The following NRP2 variants were observed in gnomAD, a reference collection of about 807,000 sequenced individuals.
NRP2 encodes the protein neuropilin 2.
NRP2 carries 52 observed loss-of-function variants against 110.4 expected under a neutral mutation model. The observed-to-expected ratio is 0.47, with a 90% CI of 0.38 to 0.59. The LOEUF is 0.59. Among genes scored for constraint, NRP2 ranks in the 20% least tolerant of loss-of-function variants. The pLI is 0.00. For missense variants in NRP2, 1,049 were observed against 1,203.0 expected, an observed-to-expected ratio of 0.87 and a Z score of 1.89; for synonymous variants, 508 against 468.9, an observed-to-expected ratio of 1.08 and a Z score of -1.08.
At chr2:205,765,353 C>A in intron 13 of NRP2, 121 bp from the exon 14 acceptor site, 1 of 797,192 alleles carries the variant, frequency 1.3e-6, no homozygotes, top group Non-Finnish European at 2.2e-6. Context: ...TGCAATAACA[C>A]ACACACACAC....
intron 2 of NRP2, among the ~76,000 whole-genome samples, chr2:205,705,598 CA>C (rs1286345289): frequency 2.0e-5 from 3 of 152,156 alleles, no homozygotes; most frequent in Non-Finnish European, 2.9e-5. Flanking sequence ...AATTAGACAA[CA>C]ATAGCAAACA....
At chr2:205,731,310 C>T (rs1054434214) in intron 7 of NRP2, among the ~76,000 whole-genome samples, 6 of 152,178 alleles carry the variant, frequency 3.9e-5, no homozygotes, top group African/African-American at 7.2e-5. Flanking sequence ...TTAATAACAC[C>T]CTAGATGCAG....
In NRP2 at chr2:205,749,861, A is replaced by G. The variant is rs1340505798; in HGVS notation, c.1903+20A>G. 1 of 1,582,910 alleles carries G rather than the reference A, an allele frequency of 6.3e-7. No homozygotes were observed. The highest frequency in any genetic ancestry group is 1.1e-5 in the South Asian group (1 of 90,424). On this transcript the variant is annotated intron_variant, in intron 11 of 16. Transcript: ENST00000357785. ...AGGATGGTAAGCACAAATTGCCTCC[A>G]GATGGCATGGGTGCGGACTAGTCAG...
intron 12 of NRP2, among the ~76,000 whole-genome samples, chr2:205,758,924 C>T (rs1319047785): frequency 6.6e-6 from 1 of 152,124 alleles, no homozygotes; most frequent in Non-Finnish European, 1.5e-5. Flanking sequence ...AGCCCCCCGC[C>T]CCCACCATAC....
intron 14 of NRP2, chr2:205,765,828 G>A (rs1323249196): frequency 3.4e-6 from 2 of 583,594 alleles, no homozygotes; most frequent in Non-Finnish European, 3.3e-6. Flanking sequence ...AGAGGTTCAG[G>A]GTGCCAAGAC....
At chr2:205,783,692 C>A (rs909739880) in intron 15 of NRP2, among the ~76,000 whole-genome samples, 10 of 152,202 alleles carry the variant, frequency 6.6e-5, no homozygotes, top group Admixed American at 1.3e-4. Flanking sequence ...AAGCTACTAG[C>A]CCCCACAGGG....
At chr2:205,766,690 G>C in intron 14 of NRP2, 93 bp from the exon 15 acceptor site, 1 of 1,196,152 alleles carries the variant, frequency 8.4e-7, no homozygotes, top group South Asian at 1.2e-5. Flanking sequence ...GTGCAGTCAT[G>C]TTTATCATCA....
At chr2:205,710,379 AC>A (rs2056772463) in intron 2 of NRP2, among the ~76,000 whole-genome samples, 1 of 152,240 alleles carries the variant, frequency 6.6e-6, no homozygotes. Flanking sequence ...GGTAATTGTA[AC>A]AGGGCCTGGT....
intron 15 of NRP2, chr2:205,777,236 G>C: frequency 1.3e-6 from 1 of 793,968 alleles, no homozygotes; most frequent in Non-Finnish European, 1.5e-6. Context: ...ATGCAGTGTG[G>C]CTTCTCCCAT....
chr2:205,722,331 G>A, intron 3 of NRP2, 147 bp from the exon 4 acceptor site: 4 of 704,832 alleles, frequency 5.7e-6, no homozygotes, highest in Non-Finnish European at 1.0e-5. Flanking sequence ...TGCATGTGAA[G>A]AGTATGTTGC....
chr2:205,716,350 C>T lies in NRP2; in HGVS notation c.409C>T (p.Leu137=), dbSNP rs776487113. The T allele has an allele frequency of 5.0e-6, 8 of 1,614,098 alleles. No individual in the cohort carries two copies. Among genetic ancestry groups the T allele is most frequent in the Non-Finnish European group, 6.8e-6 (8 of 1,180,032 alleles). Reference sequence around the variant, plus strand: ...CGCCCGGCAGGGGGCAGGCTTCTCTCTGCGCTACGAGATCTTCAAGACAGG... The same window carrying T: ...CGCCCGGCAGGGGGCAGGCTTCTCTTTGCGCTACGAGATCTTCAAGACAGG... ...DYARQGAGFS[L]RYEIFKTGSE... The change falls in exon 3 of 17, where the codon CTG becomes TTG. Residue 137 remains leucine (L), a synonymous_variant. Coordinates refer to ENST00000357785, the MANE Select transcript of NRP2 (RefSeq NM_003872.3).
chr2:205,698,545 G>C (rs1472530879), intron 2 of NRP2, among the ~76,000 whole-genome samples: 4 of 152,156 alleles, frequency 2.6e-5, no homozygotes, highest in Non-Finnish European at 4.4e-5. Flanking sequence ...TTAGACACTT[G>C]GGAGTACTTT....
chr2:205,786,832 T>G (rs1277989548), intron 15 of NRP2, among the ~76,000 whole-genome samples: 4 of 152,208 alleles, frequency 2.6e-5, no homozygotes, highest in Non-Finnish European at 4.4e-5. Context: ...GGGCAAGTAT[T>G]GAACACATAG....
intron 15 of NRP2, chr2:205,776,246 G>C: frequency 6.2e-7 from 1 of 1,612,382 alleles, no homozygotes; most frequent in Non-Finnish European, 8.5e-7. Context: ...TCTCCACCAG[G>C]GGGCACCCTC....
intron 15 of NRP2, chr2:205,778,532 T>C (rs1429990203): frequency 1.3e-5 from 2 of 152,226 alleles, no homozygotes; most frequent in African/African-American, 4.8e-5. Context: ...ATGTGATGAC[T>C]AATATGCCAC....
chr2:205,786,076 C>T (rs541830250), intron 15 of NRP2, among the ~76,000 whole-genome samples: 6 of 152,256 alleles, frequency 3.9e-5, no homozygotes, highest in South Asian at 4.1e-4. Context: ...TCAAGTAGCC[C>T]GACTTCTTAA....
chr2:205,706,200 C>A (rs62172960), intron 2 of NRP2, among the ~76,000 whole-genome samples: 3 of 151,898 alleles, frequency 2.0e-5, no homozygotes, highest in Non-Finnish European at 2.9e-5. Context: ...TTCCTCACAC[C>A]GAGAGAATTC....
intron 3 of NRP2, 140 bp downstream of exon 3, chr2:205,716,514 C>A: frequency 1.8e-6 from 1 of 555,486 alleles, no homozygotes; most frequent in Admixed American, 3.0e-5. Context: ...GGTGAACCCA[C>A]AAACATCATG....
intron 15 of NRP2, among the ~76,000 whole-genome samples, chr2:205,773,343 G>A (rs535292268): frequency 6.0e-4 from 91 of 152,276 alleles, no homozygotes; most frequent in African/African-American, 2.2e-3. Context: ...TAACATTAAC[G>A]TTATTTCTAA....
Sources: allele counts gnomAD v4.1 joint callset (sites outside exome capture counted in the v4.1 genomes callset), GRCh38; gene constraint gnomAD v4.1.1; transcripts MANE v1.5; gene names NCBI Gene and HGNC (gene_info 2026-07-23, HGNC 2026-07-21).